The following ARHGAP6 variants were observed in gnomAD, a reference collection of about 807,000 sequenced individuals.
ARHGAP6 encodes Rho GTPase activating protein 6, also known as rho GTPase-activating protein 6.
Under a neutral mutation model 55.7 loss-of-function variants are expected in ARHGAP6, and 16 were observed. The observed-to-expected ratio is 0.29, with a 90% CI of 0.19 to 0.44. The LOEUF (loss-of-function observed/expected upper bound fraction) is 0.44. ARHGAP6 is among the 20% of genes least tolerant of loss of function. The pLI is 1.00. For synonymous variants in ARHGAP6, 382 were observed against 360.9 expected, an observed-to-expected ratio of 1.06 and a Z score of -0.66; for missense variants, 698 against 808.9, an observed-to-expected ratio of 0.86 and a Z score of 1.66.
chrX:11,299,273 A>C (rs1282599110), intron 1 of ARHGAP6, among the ~76,000 whole-genome samples: 1 of 112,072 alleles, frequency 8.9e-6, no homozygotes, highest in Non-Finnish European at 1.9e-5. Context: ...AAACCCCATG[A>C]ATTTTAAGGG....
intron 1 of ARHGAP6, among the ~76,000 whole-genome samples, chrX:11,411,491 G>A (rs1281480036): frequency 9.3e-6 from 1 of 107,802 alleles, no homozygotes; most frequent in African/African-American, 3.4e-5. Flanking sequence ...AGACAGTCCT[G>A]GTGGCTGCTC....
intron 1 of ARHGAP6, among the ~76,000 whole-genome samples, chrX:11,307,166 C>T (rs2147592969): frequency 9.0e-6 from 1 of 111,000 alleles, no homozygotes; most frequent in South Asian, 4.0e-4. Context: ...TTAGGAGACC[C>T]AGGCCTTGGC....
chrX:11,169,285 G>A, intron 9 of ARHGAP6: 1 of 303,307 alleles, frequency 3.3e-6, no homozygotes, highest in South Asian at 1.7e-4. Flanking sequence ...ACAACAAAAT[G>A]AAAATTATAA....
At chrX:11,277,588 C>G (rs2047791993) in intron 1 of ARHGAP6, among the ~76,000 whole-genome samples, 1 of 111,152 alleles carries the variant, frequency 9.0e-6, no homozygotes, top group African/African-American at 3.3e-5. Context: ...TATAGATCAG[C>G]CATCAGAGCT....
At chrX:11,641,294 A>G (rs1255566957) in intron 1 of ARHGAP6, among the ~76,000 whole-genome samples, 2 of 111,654 alleles carry the variant, frequency 1.8e-5, no homozygotes, top group African/African-American at 6.5e-5. Flanking sequence ...GAATGGAGAG[A>G]GCAAAATTCT....
At chrX:11,562,650 A>G (rs749334132) in intron 1 of ARHGAP6, among the ~76,000 whole-genome samples, 3 of 111,275 alleles carry the variant, frequency 2.7e-5, no homozygotes, top group East Asian at 5.6e-4. Flanking sequence ...ATCAAAAAAA[A>G]AAAAACTTCT....
chrX:11,534,464 T>C (rs2051082796), intron 1 of ARHGAP6, among the ~76,000 whole-genome samples: 1 of 111,027 alleles, frequency 9.0e-6, no homozygotes, highest in Admixed American at 9.6e-5. Context: ...CTGTGCATCA[T>C]AGAATGTTTG....
intron 2 of ARHGAP6, among the ~76,000 whole-genome samples, chrX:11,250,008 A>G (rs28674696): frequency 0.19 from 20,581 of 111,181 alleles, 1,512 homozygotes; most frequent in African/African-American, 0.27. Context: ...ATTATCTCAA[A>G]TACAATAATA....
At chrX:11,306,047 G>A (rs1283919582) in intron 1 of ARHGAP6, among the ~76,000 whole-genome samples, 3 of 111,272 alleles carry the variant, frequency 2.7e-5, no homozygotes, top group Non-Finnish European at 5.7e-5. Flanking sequence ...CCAAACATCC[G>A]GGAGCAGCCA....
chrX:11,564,833 C>T (rs1478787686), intron 1 of ARHGAP6, among the ~76,000 whole-genome samples: 3 of 111,919 alleles, frequency 2.7e-5, no homozygotes, highest in Non-Finnish European at 5.6e-5. Flanking sequence ...AAAAGTTGTT[C>T]TACTACTCCT....
chrX:11,366,300 G>T (rs888608422), intron 1 of ARHGAP6, among the ~76,000 whole-genome samples: 1 of 112,337 alleles, frequency 8.9e-6, no homozygotes, highest in Non-Finnish European at 1.9e-5. Context: ...CAGCCAGTGA[G>T]GATACAAAGA....
rs1423554674 is a variant in ARHGAP6, at chrX:11,220,399, T to A, written c.749-23403A>T. Among the ~76,000 whole-genome samples, 6 of 111,122 alleles carry A rather than the reference T, an allele frequency of 5.4e-5. No homozygotes were observed. In the East Asian group the frequency reaches 1.4e-3, roughly 26 times the overall value. Reference sequence around the variant, plus strand: ...GCCAGAAAGAAAGGTCGGGTTACCCTCAAAGGGAAGCCCATCAGACTAACA... The same window carrying A: ...GCCAGAAAGAAAGGTCGGGTTACCCACAAAGGGAAGCCCATCAGACTAACA... On this transcript the variant is annotated intron_variant, in intron 2 of 12. Coordinates refer to ENST00000337414, the MANE Select transcript of ARHGAP6 (RefSeq NM_013427.3).
intron 2 of ARHGAP6, among the ~76,000 whole-genome samples, chrX:11,199,752 C>T (rs2046593295): frequency 8.9e-6 from 1 of 112,234 alleles, no homozygotes. Context: ...CACTTAATTA[C>T]TTACAACAAA....
At chrX:11,561,339 T>C (rs1039873636) in intron 1 of ARHGAP6, among the ~76,000 whole-genome samples, 3 of 112,346 alleles carry the variant, frequency 2.7e-5, no homozygotes, top group African/African-American at 9.7e-5. Context: ...CTCCAAGGTA[T>C]GTTAAGTATA....
intron 2 of ARHGAP6, among the ~76,000 whole-genome samples, chrX:11,219,408 T>C (rs2046932266): frequency 9.8e-6 from 1 of 102,057 alleles, no homozygotes; most frequent in Non-Finnish European, 2.0e-5. Flanking sequence ...TACCCAGTAA[T>C]GGGATGGCTG....
intron 1 of ARHGAP6, among the ~76,000 whole-genome samples, chrX:11,618,677 C>A (rs1196014159): frequency 8.9e-6 from 1 of 112,129 alleles, no homozygotes; most frequent in African/African-American, 3.2e-5. Context: ...AATAAAAATT[C>A]AATTGTCCTA....
chrX:11,503,655 T>A (rs762153623), intron 1 of ARHGAP6, among the ~76,000 whole-genome samples: 1 of 111,742 alleles, frequency 8.9e-6, no homozygotes, highest in East Asian at 2.8e-4. Context: ...CAAAGTTCGA[T>A]GGAAACGTTC....
chrX:11,519,279 C>A (rs1317037840), intron 1 of ARHGAP6, among the ~76,000 whole-genome samples: 1 of 108,977 alleles, frequency 9.2e-6, no homozygotes, highest in Non-Finnish European at 1.9e-5. Flanking sequence ...TATTTCTCCA[C>A]ATCCTCCCCA....
At chrX:11,286,035 G>C (rs893056333) in intron 1 of ARHGAP6, among the ~76,000 whole-genome samples, 8 of 111,678 alleles carry the variant, frequency 7.2e-5, no homozygotes, top group African/African-American at 2.6e-4. Flanking sequence ...AAGGCTCTTT[G>C]AGAACCATTA....
Sources: gnomAD v4.1 joint callset for allele counts (sites outside exome capture counted in the v4.1 genomes callset) on GRCh38, gnomAD v4.1.1 for gene constraint, MANE v1.5 for transcripts, NCBI Gene and HGNC (gene_info 2026-07-23, HGNC 2026-07-21) for gene names.